KDM4C: variants seen among roughly 807,000 people sequenced by gnomAD.
The protein encoded by KDM4C is lysine-specific demethylase 4C.
KDM4C carries 81 observed loss-of-function variants against 129.3 expected under a neutral mutation model. The ratio of observed to expected loss-of-function variants is 0.63; its 90% CI spans 0.52 to 0.75. KDM4C has a LOEUF of 0.75. KDM4C is among the 30% of genes least tolerant of loss of function. The pLI, the probability that KDM4C is intolerant of heterozygous loss-of-function variation, is 0.00. For missense variants in KDM4C, 1,457 were observed against 1,304.0 expected (o/e 1.12, Z -1.81); for synonymous variants, 573 against 456.1 (o/e 1.26, Z -3.26).
At chr9:7,096,650 A>G (rs1036294638) in intron 17 of KDM4C, among the ~76,000 whole-genome samples, 3 of 152,208 alleles carry the variant, frequency 2.0e-5, no homozygotes, top group South Asian at 2.1e-4. Context: ...CTTAGCTCGT[A>G]TACTGTGACA....
chr9:6,948,353 T>C (rs890845943), intron 8 of KDM4C: 1 of 152,218 alleles, frequency 6.6e-6, no homozygotes, highest in African/African-American at 2.4e-5. Context: ...TTATAGTAGA[T>C]ATTTATCTGA....
At chr9:6,834,876 C>G in intron 4 of KDM4C, 1 of 1,311,276 alleles carries the variant, frequency 7.6e-7, no homozygotes, top group Non-Finnish European at 1.1e-6. Context: ...CCCGTGCTGT[C>G]CCTGTACTTC....
chr9:6,839,846 T>G (rs900840897), intron 4 of KDM4C, among the ~76,000 whole-genome samples: 5 of 151,958 alleles, frequency 3.3e-5, no homozygotes, highest in African/African-American at 1.2e-4. Flanking sequence ...GAGGTTGCAG[T>G]GAGCAGAGAT....
intron 15 of KDM4C, among the ~76,000 whole-genome samples, chr9:7,041,230 T>G (rs1380094405): frequency 6.6e-6 from 1 of 151,480 alleles, no homozygotes; most frequent in Non-Finnish European, 1.5e-5. Context: ...ATTGATACAG[T>G]ATAACAATTT....
chr9:7,149,644 A>G (rs894194215), intron 19 of KDM4C, among the ~76,000 whole-genome samples: 8 of 152,250 alleles, frequency 5.3e-5, no homozygotes, highest in Non-Finnish European at 2.9e-5. Flanking sequence ...GGGATTATTG[A>G]AACGTAATGC....
chr9:6,743,817 G>A (rs1212552762), intron 1 of KDM4C, among the ~76,000 whole-genome samples: 1 of 151,854 alleles, frequency 6.6e-6, no homozygotes, highest in Non-Finnish European at 1.5e-5. Flanking sequence ...CAGATTTTCT[G>A]CTTTCTATAT....
chr9:7,024,264 C>A (rs1170517105), intron 15 of KDM4C, among the ~76,000 whole-genome samples: 1 of 137,006 alleles, frequency 7.3e-6, no homozygotes, highest in Non-Finnish European at 1.6e-5. Flanking sequence ...TGGAGTCTAT[C>A]TCTCTTTTTA....
At chr9:6,883,578 T>A (rs1273619383) in intron 6 of KDM4C, among the ~76,000 whole-genome samples, 1 of 152,196 alleles carries the variant, frequency 6.6e-6, no homozygotes, top group Non-Finnish European at 1.5e-5. Context: ...ATTTTAGACA[T>A]CGGGCAATAA....
chr9:6,778,933 G>C (rs1424204227), intron 1 of KDM4C, among the ~76,000 whole-genome samples: 1 of 151,286 alleles, frequency 6.6e-6, no homozygotes, highest in African/African-American at 2.4e-5. Flanking sequence ...TGTTGGCCAA[G>C]CTGGTCTTTA....
chr9:6,900,065 A>G (rs976125507), intron 8 of KDM4C, among the ~76,000 whole-genome samples: 6 of 152,228 alleles, frequency 3.9e-5, no homozygotes, highest in African/African-American at 9.7e-5. Context: ...ATTGTCTCCA[A>G]TATGTCAGAT....
At chr9:6,915,952 TA>T (rs1351356035) in intron 8 of KDM4C, among the ~76,000 whole-genome samples, 1 of 152,198 alleles carries the variant, frequency 6.6e-6, no homozygotes, top group Non-Finnish European at 1.5e-5. Flanking sequence ...ACAGATGCTG[TA>T]AAATAGTACA....
intron 1 of KDM4C, among the ~76,000 whole-genome samples, chr9:6,742,189 T>C (rs1817723579): frequency 1.3e-5 from 2 of 149,418 alleles, no homozygotes; most frequent in African/African-American, 5.1e-5. Flanking sequence ...GTCAGGCTGG[T>C]CTTTTTAGTA....
intron 15 of KDM4C, among the ~76,000 whole-genome samples, chr9:7,046,207 A>G (rs189185487): frequency 5.3e-5 from 8 of 152,052 alleles, no homozygotes; most frequent in African/African-American, 1.9e-4. Flanking sequence ...TTACATTCTA[A>G]GCTAAGACAC....
At chr9:7,115,479 C>A (rs1485230896) in intron 18 of KDM4C, among the ~76,000 whole-genome samples, 4 of 152,108 alleles carry the variant, frequency 2.6e-5, no homozygotes. Context: ...AACAGACACA[C>A]AACAGCAAAG....
Position 6,934,199 on chromosome 9 carries a change from G to GACC in KDM4C, c.921+40967_921+40968insACC, listed in dbSNP as rs1192636501. Among the ~76,000 whole-genome samples the GACC allele has an allele frequency of 8.5e-4, 129 of 151,844 alleles. 1 individual carries two copies. The highest frequency in any genetic ancestry group is 3.0e-3 in the African/African-American group (124 of 41,384). ...AAAATCACTGTAAAAATTAAAGTTG[G>GACC]GGCTGGGCGCGGGGTCTCACGCCGG... On this transcript the variant is annotated intron_variant, in intron 8 of 21. Transcript: ENST00000381309.
intron 8 of KDM4C, among the ~76,000 whole-genome samples, chr9:6,895,012 T>A (rs1262972634): frequency 6.6e-6 from 1 of 152,222 alleles, no homozygotes; most frequent in Non-Finnish European, 1.5e-5. Flanking sequence ...GGGTACAAAA[T>A]ATTCAGTGCT....
At chr9:7,127,977 T>C (rs1840198249) in intron 18 of KDM4C, 89 bp from the exon 19 acceptor site, 4 of 1,140,200 alleles carry the variant, frequency 3.5e-6, no homozygotes, top group Non-Finnish European at 4.6e-6. Context: ...AATAAATGAT[T>C]GTTTTTCAAA....
rs145242418 is a variant in KDM4C at position 7,100,786 on chromosome 9, T to A, written c.2425-2899T>A. Among the ~76,000 whole-genome samples, 818 of 152,302 alleles carry A rather than the reference T, an allele frequency of 5.4e-3. 9 individuals are homozygous for A. The highest frequency in any genetic ancestry group is 0.019 in the African/African-American group (789 of 41,564). ...CTTTTTTCTTTTCTTTTCTTTTCTT[T>A]TTTTTATTGTGGATACTTGGTTTGG... On this transcript the variant is annotated intron_variant, in intron 17 of 21. Coordinates refer to ENST00000381309, the MANE Select transcript of KDM4C (RefSeq NM_015061.6).
rs189094991 is a variant in KDM4C at position 6,817,805 on chromosome 9, A to G, written c.435+3060A>G. Among the ~76,000 whole-genome samples, 86 of 124,368 alleles carry G rather than the reference A, an allele frequency of 6.9e-4. 2 individuals carry two copies. In the East Asian group the frequency reaches 0.016, roughly 23 times the overall value. 81.6% of individuals were successfully genotyped at this position (124,368 alleles called of 152,430 possible). A position where few individuals can be genotyped will look rare whatever the true frequency, so the allele number is the denominator to read the frequency against. On this transcript the variant is annotated intron_variant, in intron 4 of 21. Coordinates refer to ENST00000381309, the MANE Select transcript of KDM4C (RefSeq NM_015061.6). ...TTTTTGAGACAGAGTCTCACTCTGT[A>G]GCCCAGGCTGGAGTGCAGTGGCGCT...
Sources: gnomAD v4.1 joint callset for allele counts (sites outside exome capture counted in the v4.1 genomes callset) on GRCh38, gnomAD v4.1.1 for gene constraint, MANE v1.5 for transcripts, NCBI Gene and HGNC (gene_info 2026-07-23, HGNC 2026-07-21) for gene names.